Variants in DARS1 observed in about 807,000 individuals in gnomAD.
The protein encoded by DARS1 is aspartyl-tRNA synthetase 1, also known as aspartate--tRNA ligase, cytoplasmic.
Under a neutral mutation model 68.8 loss-of-function variants are expected in DARS1, and 51 were observed. The ratio of observed to expected loss-of-function variants is 0.74; its 90% CI spans 0.59 to 0.94. The LOEUF (loss-of-function observed/expected upper bound fraction) is 0.94, where lower values mean the gene tolerates loss of function less well. Ranked by LOEUF, DARS1 falls within the 40% of genes least tolerant of loss-of-function variation. The pLI is 0.00. For synonymous variants in DARS1, 203 were observed against 190.4 expected, an observed-to-expected ratio of 1.07 and a Z score of -0.55; for missense variants, 607 against 597.3, an observed-to-expected ratio of 1.02 and a Z score of -0.17.
chr2:135,957,723 A>G (rs546960379), intron 4 of DARS1, among the ~76,000 whole-genome samples: 1 of 152,302 alleles, frequency 6.6e-6, no homozygotes, highest in South Asian at 2.1e-4. Flanking sequence ...CAGCAGTTCT[A>G]AAACTACTCT....
chr2:135,947,089 T>C (rs1270161597), intron 4 of DARS1, among the ~76,000 whole-genome samples: 1 of 142,542 alleles, frequency 7.0e-6, no homozygotes, highest in Admixed American at 6.9e-5. Context: ...GCAAACACAC[T>C]TTTATTTTTA....
rs542124703 is a variant in DARS1 at position 135,933,076 on chromosome 2, T to C, written c.505-234A>G. On this transcript the variant is annotated intron_variant, in intron 6 of 15. Transcript: ENST00000264161. ...GAACAGATATTAATGGTTCTTTCCCTCCTCCACCCCTCAAAGCCTTGCCTC... is the reference window on the plus strand; with the variant it reads ...GAACAGATATTAATGGTTCTTTCCCCCCTCCACCCCTCAAAGCCTTGCCTC... 1.2e-4 allele frequency among the ~76,000 whole-genome samples: 19 copies of C among 152,216 alleles called. 1 individual carries two copies. The East Asian group carries it at 2.5e-3, about 20-fold the overall frequency.
In DARS1 at chr2:135,927,112, A is replaced by G. The variant is rs76189476; in HGVS notation, c.565-2614T>C. ...AATCGGTTTTTTATAGACTCATTTTAAAACTGTTTCCCCATTACATATTGA... is the reference window on the plus strand; with the variant it reads ...AATCGGTTTTTTATAGACTCATTTTGAAACTGTTTCCCCATTACATATTGA... On this transcript the variant is annotated intron_variant, in intron 7 of 15. Transcript: ENST00000264161. 7.7e-3 allele frequency among the ~76,000 whole-genome samples: 1,170 copies of G among 152,336 alleles called. 11 individuals carry two copies. The highest frequency in any genetic ancestry group is 0.027 in the African/African-American group (1,104 of 41,574).
intron 15 of DARS1, among the ~76,000 whole-genome samples, chr2:135,907,992 A>C (rs1680823724): frequency 6.6e-6 from 1 of 152,222 alleles, no homozygotes; most frequent in African/African-American, 2.4e-5. Flanking sequence ...ATGTAAAAAG[A>C]ATGAAAAAGC....
rs182074459 is a variant in DARS1, at chr2:135,979,828, C to T, written c.125-462G>A. On this transcript the variant is annotated intron_variant, in intron 2 of 15. Coordinates refer to ENST00000264161, the MANE Select transcript of DARS1 (RefSeq NM_001349.4). ...CAGTACCTAAGTCAGCTAGTCTCTA[C>T]CAAGTCTGAACAGTCGCAGTATCCT... Among the ~76,000 whole-genome samples, 416 of 152,300 alleles carry T rather than the reference C, an allele frequency of 2.7e-3. 3 individuals are homozygous for T. The highest frequency in any genetic ancestry group is 9.5e-3 in the African/African-American group (396 of 41,556).
chr2:135,940,719 T>C (rs985504918), intron 5 of DARS1, among the ~76,000 whole-genome samples: 11 of 152,186 alleles, frequency 7.2e-5, no homozygotes, highest in African/African-American at 2.4e-4. Context: ...CAAGTCAAAT[T>C]GTCCCTGTTT....
chr2:135,920,034 G>A (rs1022558236), intron 10 of DARS1, among the ~76,000 whole-genome samples: 6 of 152,218 alleles, frequency 3.9e-5, no homozygotes, highest in Non-Finnish European at 5.9e-5. Context: ...AGAAGGAGCA[G>A]AGCTGGGATT....
At chr2:135,937,603 T>C (rs1681498682) in intron 5 of DARS1, among the ~76,000 whole-genome samples, 1 of 152,218 alleles carries the variant, frequency 6.6e-6, no homozygotes, top group African/African-American at 2.4e-5. Flanking sequence ...CTTTACAATT[T>C]GGCATGTTTT....
intron 7 of DARS1, among the ~76,000 whole-genome samples, chr2:135,929,442 T>G (rs763666243): frequency 4.6e-5 from 7 of 152,234 alleles, no homozygotes; most frequent in Non-Finnish European, 7.3e-5. Context: ...ATTTTAAAAC[T>G]TAACTAACTC....
At chr2:135,911,550 T>C (rs892200663) in intron 13 of DARS1, 57 bp from the exon 14 acceptor site, 25 of 753,352 alleles carry the variant, frequency 3.3e-5, no homozygotes, top group Non-Finnish European at 5.1e-5. Context: ...CTATTACATA[T>C]ATACGGAAAA....
intron 4 of DARS1, among the ~76,000 whole-genome samples, chr2:135,951,184 G>A (rs539261437): frequency 1.3e-5 from 2 of 152,180 alleles, no homozygotes; most frequent in Admixed American, 1.3e-4. Context: ...GTTAAGCTTA[G>A]GAAACACTAC....
intron 8 of DARS1, among the ~76,000 whole-genome samples, chr2:135,923,766 C>T (rs1013003436): frequency 2.0e-5 from 3 of 152,036 alleles, no homozygotes; most frequent in African/African-American, 4.8e-5. Flanking sequence ...ATCTGTAATC[C>T]CAGCACTCTG....
rs1682742328 is a variant in DARS1 at position 135,985,089 on chromosome 2, G to A, written c.66+314C>T. The A allele has an allele frequency of 1.2e-5, 5 of 434,144 alleles. No individual in the cohort carries two copies. In the South Asian group the frequency reaches 1.3e-4, roughly 11 times the overall value. The allele number at this position is 434,144 out of a possible 1,614,324, so 26.9% of individuals were successfully genotyped here. On this transcript the variant is annotated intron_variant, in intron 1 of 15. Coordinates refer to ENST00000264161, the MANE Select transcript of DARS1 (RefSeq NM_001349.4). The stretch of plus-strand genomic sequence containing the variant: ...AGGGATTGTGCATTACGTGCAGGAC[G>A]TGCCTAACCCAGAGAGACTCAAGTG...
At chr2:135,941,375 A>C (rs959394605) in intron 5 of DARS1, among the ~76,000 whole-genome samples, 2 of 152,260 alleles carry the variant, frequency 1.3e-5, no homozygotes, top group Admixed American at 1.3e-4. Context: ...ACTATCTCAT[A>C]TTTGACAAAC....
At position 135,933,967 on chromosome 2, in the gene DARS1, T is replaced by A; in HGVS notation, c.447A>T (p.Glu149Asp). 1 of 1,613,670 alleles carries A rather than the reference T, an allele frequency of 6.2e-7. No homozygotes were observed. Among genetic ancestry groups the A allele is most frequent in the Non-Finnish European group, 8.5e-7 (1 of 1,179,682 alleles). ...VQKIYVISLAEPRLPLQLDDA... is the reference protein window; with the variant it reads ...VQKIYVISLADPRLPLQLDDA... ...CATCCAGCTGCAGGGGCAGACGGGG[T>A]TCAGCCAAACTGATCACATAAATCT... The change falls in exon 6 of 16, where the codon GAA becomes GAT. Residue 149 changes from glutamate (E) to aspartate (D), a missense_variant. Physicochemically the swap from Glu to Asp is conservative, Grantham distance 45. Transcript: ENST00000264161.
chr2:135,908,595 A>C (rs1254301731), intron 15 of DARS1, among the ~76,000 whole-genome samples: 1 of 152,202 alleles, frequency 6.6e-6, no homozygotes, highest in Non-Finnish European at 1.5e-5. Flanking sequence ...CGACTTTTTA[A>C]CAATTGCCAT....
chr2:135,909,886 AC>A (rs1680861630), intron 15 of DARS1, among the ~76,000 whole-genome samples: 2 of 152,198 alleles, frequency 1.3e-5, no homozygotes, highest in East Asian at 3.8e-4. Flanking sequence ...AAAAACATAA[AC>A]AAAAAAACCA....
rs115947325 is a variant in DARS1, at chr2:135,945,629, T to C, written c.321-2149A>G. 8.6e-3 allele frequency among the ~76,000 whole-genome samples: 1,314 copies of C among 152,338 alleles called. 15 individuals are homozygous for C. The highest frequency in any genetic ancestry group is 0.028 in the African/African-American group (1,158 of 41,570). On this transcript the variant is annotated intron_variant, in intron 4 of 15. Coordinates refer to ENST00000264161, the MANE Select transcript of DARS1 (RefSeq NM_001349.4). The stretch of plus-strand genomic sequence containing the variant: ...AACATGGAACTATATCTACCTTTAG[T>C]ACTTTAATTTCGTAGTACTGAGTGC...
At chr2:135,982,182 A>T (rs2104851867) in intron 2 of DARS1, among the ~76,000 whole-genome samples, 1 of 152,326 alleles carries the variant, frequency 6.6e-6, no homozygotes, top group Middle Eastern at 3.4e-3. Flanking sequence ...ACTGTCAAAT[A>T]GTTAAGTAAG....
Sources: gnomAD v4.1 joint callset for allele counts (sites outside exome capture counted in the v4.1 genomes callset) on GRCh38, gnomAD v4.1.1 for gene constraint, MANE v1.5 for transcripts, NCBI Gene and HGNC (gene_info 2026-07-23, HGNC 2026-07-21) for gene names.